The following ZNF516 variants were observed in gnomAD, a reference collection of about 807,000 sequenced individuals.
ZNF516 encodes the protein zinc finger protein 516.
ZNF516 carries 19 observed loss-of-function variants against 79.7 expected under a neutral mutation model. That is an observed-to-expected ratio of 0.24 (90% CI 0.17 to 0.35). The LOEUF is 0.35. ZNF516 is among the 10% of genes least tolerant of loss of function. The probability of loss-of-function intolerance (pLI) is 1.00; values close to 1 mark genes in which losing one functional copy is unlikely to be tolerated. For synonymous variants in ZNF516, 877 were observed against 739.5 expected (o/e 1.19, Z -3.02); for missense variants, 1,678 against 1,679.5 (o/e 1.00, Z 0.02).
chr18:76,482,259 C>T (rs1005677796), intron 1 of ZNF516, among the ~76,000 whole-genome samples: 3 of 152,302 alleles, frequency 2.0e-5, no homozygotes, highest in Middle Eastern at 3.4e-3. Context: ...AATCCTAAGA[C>T]GTACATATGT....
intron 3 of ZNF516, among the ~76,000 whole-genome samples, chr18:76,433,902 G>C (rs1183157040): frequency 1.3e-5 from 2 of 152,152 alleles, no homozygotes; most frequent in African/African-American, 4.8e-5. Flanking sequence ...CACGTCCCCA[G>C]CTCCACAGGG....
intron 3 of ZNF516, among the ~76,000 whole-genome samples, chr18:76,390,110 C>T (rs551215718): frequency 2.0e-5 from 3 of 152,338 alleles, no homozygotes; most frequent in South Asian, 2.1e-4. Flanking sequence ...CTACACAAAA[C>T]GTCCTGACGG....
rs1212964817 is a variant in ZNF516, at chr18:76,467,050, A to G, written c.-271-3909T>C. 6.6e-6 allele frequency among the ~76,000 whole-genome samples: 1 copy of G among 152,070 alleles called. No homozygotes were observed. Among genetic ancestry groups the G allele is most frequent in the Non-Finnish European group, 1.5e-5 (1 of 67,982 alleles). On this transcript the variant is annotated intron_variant, in intron 1 of 6. Transcript: ENST00000443185. The surrounding 1 kb of genome is among the most constrained non-coding windows in gnomAD (Gnocchi z 4.2). ...AACCCAGGAGACGCTGGCCTCTGGG[A>G]AGTAAAATCAGGCAGAGGCAGCCGT...
chr18:76,379,061 G>A lies in ZNF516; in HGVS notation c.3053C>T (p.Ala1018Val), dbSNP rs367766643. 19 of 1,610,580 alleles carry A rather than the reference G, an allele frequency of 1.2e-5. No individual in the cohort carries two copies. Among genetic ancestry groups the A allele is most frequent in the Admixed American group, 6.7e-5 (4 of 59,980 alleles). The change falls in exon 4 of 7, where the codon GCG (alanine) becomes GTG (valine). Residue 1018 changes from alanine (A) to valine (V), a missense_variant. By Grantham distance (64) the Ala-to-Val change is moderately conservative. Coordinates refer to ENST00000443185, the MANE Select transcript of ZNF516 (RefSeq NM_014643.4). ...CAAGGCCGCGTCGCCCCTGGACCCCGCAGCACAGGTGGCCAGAGTCCTCAG... is the reference window on the plus strand; with the variant it reads ...CAAGGCCGCGTCGCCCCTGGACCCCACAGCACAGGTGGCCAGAGTCCTCAG... ...QELRTLATCA[A>V]GSRGDAALQA...
At chr18:76,468,477 T>A (rs1196526446) in intron 1 of ZNF516, among the ~76,000 whole-genome samples, 3 of 150,008 alleles carry the variant, frequency 2.0e-5, no homozygotes, top group Non-Finnish European at 4.4e-5. Context: ...AGTGCAGTGG[T>A]GCAACCTTGG....
chr18:76,361,860 G>C lies in ZNF516; in HGVS notation c.*638C>G, dbSNP rs1408696450. The C allele has an allele frequency of 6.6e-6, 1 of 152,176 alleles. No individual in the cohort carries two copies. Among genetic ancestry groups the C allele is most frequent in the Admixed American group, 6.5e-5 (1 of 15,290 alleles). The allele number at this position is 152,176 out of a possible 1,614,324, so 9.4% of individuals were successfully genotyped here. A position where few individuals can be genotyped will look rare whatever the true frequency, so the allele number is the denominator to read the frequency against. ...GGCACACGGCCCCAGGGAGGAGTGC[G>C]ATGGAGCCAGTGAACAATGAGGGTC... On this transcript the variant is annotated 3_prime_UTR_variant, in exon 7 of 7. Transcript: ENST00000443185.
intron 2 of ZNF516, among the ~76,000 whole-genome samples, chr18:76,447,407 A>C (rs1426514813): frequency 6.6e-6 from 1 of 152,172 alleles, no homozygotes; most frequent in African/African-American, 2.4e-5. Flanking sequence ...CCGTGTGATA[A>C]AGTGCTACCT....
At chr18:76,470,813 G>A (rs1306570185) in intron 1 of ZNF516, among the ~76,000 whole-genome samples, 1 of 152,120 alleles carries the variant, frequency 6.6e-6, no homozygotes, top group Admixed American at 6.5e-5. Context: ...AGGAGATCAA[G>A]ACCATCCTGG....
intron 1 of ZNF516, among the ~76,000 whole-genome samples, chr18:76,479,138 C>T (rs1914348721): frequency 6.6e-6 from 1 of 152,062 alleles, no homozygotes; most frequent in South Asian, 2.1e-4. Context: ...CATCAGGATA[C>T]CTCAGTCTGT....
At chr18:76,377,619 G>A (rs1345684834) in intron 4 of ZNF516, among the ~76,000 whole-genome samples, 3 of 152,196 alleles carry the variant, frequency 2.0e-5, no homozygotes, top group Non-Finnish European at 4.4e-5. Context: ...CCAGAACCAT[G>A]CCCCTGACAG....
At chr18:76,423,925 CACACATGCAGGTGAAAAGGCTCCCCCGAA>C (rs2075550206) in intron 3 of ZNF516, among the ~76,000 whole-genome samples, 54 of 109,724 alleles carry the variant, frequency 4.9e-4, no homozygotes, top group African/African-American at 1.6e-3. Context: ...CCTCCTGAAA[CACACATGCAGGTGAAAAGGCTCCCCCGAA>C]ACACACGCAG....
At chr18:76,450,012 A>G (rs1412461214) in intron 2 of ZNF516, among the ~76,000 whole-genome samples, 7 of 152,228 alleles carry the variant, frequency 4.6e-5, no homozygotes, top group Admixed American at 2.6e-4. Flanking sequence ...TGGACTGGAT[A>G]TTACAGGATA....
At chr18:76,469,106 G>A (rs1913672995) in intron 1 of ZNF516, among the ~76,000 whole-genome samples, 1 of 152,192 alleles carries the variant, frequency 6.6e-6, no homozygotes, top group Admixed American at 6.6e-5. Flanking sequence ...GTTTCTACAT[G>A]TTTAGCTCTG....
At chr18:76,397,887 GC>G (rs2075167694) in intron 3 of ZNF516, among the ~76,000 whole-genome samples, 1 of 152,130 alleles carries the variant, frequency 6.6e-6, no homozygotes, top group South Asian at 2.1e-4. Flanking sequence ...GAGCCACTGC[GC>G]CCCCAGCCTT....
chr18:76,399,067 G>A (rs960333965), intron 3 of ZNF516, among the ~76,000 whole-genome samples: 16 of 152,156 alleles, frequency 1.1e-4, no homozygotes, highest in East Asian at 1.9e-4. Flanking sequence ...CTGGCAGCCC[G>A]CGCAATGCAT....
rs1367574965 is a variant in ZNF516 at position 76,441,716 on chromosome 18, C to T, written c.1339G>A (p.Val447Met). 8.3e-6 allele frequency: 13 copies of T among 1,572,704 alleles called. No individual in the cohort carries two copies. Among genetic ancestry groups the T allele is most frequent in the East Asian group, 2.3e-5 (1 of 42,588 alleles). Reference sequence around the variant, plus strand: ...TCGCGCCTGTCCTTGTCGAAGGCCACGTCCCCGGCCAGCGCCTCGTCCCAG... The same window carrying T: ...TCGCGCCTGTCCTTGTCGAAGGCCATGTCCCCGGCCAGCGCCTCGTCCCAG... Reference protein sequence around the residue: ...GAWDEALAGDVAFDKDRREYV... With the variant: ...GAWDEALAGDMAFDKDRREYV... Residue 447 changes from valine (V) to methionine (M), a missense_variant, in exon 3 of 7, where the codon GTG becomes ATG. Physicochemically the swap from Val to Met is conservative, Grantham distance 21. Transcript: ENST00000443185.
chr18:76,478,434 G>GA (rs966971510), intron 1 of ZNF516, among the ~76,000 whole-genome samples: 40 of 151,186 alleles, frequency 2.6e-4, no homozygotes, highest in Admixed American at 2.1e-3. Flanking sequence ...AGCAAATTAT[G>GA]AAAAAAAAGG....
intron 3 of ZNF516, among the ~76,000 whole-genome samples, chr18:76,413,278 G>A (rs2075393384): frequency 6.6e-6 from 1 of 152,226 alleles, no homozygotes; most frequent in Non-Finnish European, 1.5e-5. Flanking sequence ...GAATTTAGCA[G>A]TTAAATTCTA....
chr18:76,385,535 C>T (rs764649275), intron 3 of ZNF516: 6 of 152,278 alleles, frequency 3.9e-5, no homozygotes, highest in Non-Finnish European at 8.8e-5. Flanking sequence ...CGCTCCCCTT[C>T]CGCGCTTACG....
Sources: gnomAD v4.1 joint callset for allele counts (sites outside exome capture counted in the v4.1 genomes callset) on GRCh38, gnomAD v4.1.1 for gene constraint, Gnocchi (gnomAD v3.1) non-coding constraint, MANE v1.5 for transcripts, NCBI Gene and HGNC (gene_info 2026-07-23, HGNC 2026-07-21) for gene names.